The following ASB18 variants were observed in gnomAD, a reference collection of about 807,000 sequenced individuals.
ASB18 encodes ankyrin repeat and SOCS box containing 18.
Under a neutral mutation model 33.4 loss-of-function variants are expected in ASB18, and 33 were observed. The ratio of observed to expected loss-of-function variants is 0.99; its 90% CI spans 0.75 to 1.32. ASB18 has a LOEUF of 1.32. ASB18 is among the 40% of genes most tolerant of loss of function. ASB18 has a pLI of 0.00. For synonymous variants in ASB18, 295 were observed against 307.6 expected (o/e 0.96, Z 0.43); for missense variants, 694 against 655.5 (o/e 1.06, Z -0.64).
intron 1 of ASB18, among the ~76,000 whole-genome samples, chr2:236,261,506 G>A (rs746527802): frequency 1.3e-5 from 2 of 152,170 alleles, no homozygotes; most frequent in Non-Finnish European, 2.9e-5. Flanking sequence ...CTTTCTCTGT[G>A]ATAAAGTCAC....
At chr2:236,261,121 C>T (rs376943818) in intron 1 of ASB18, among the ~76,000 whole-genome samples, 2 of 152,096 alleles carry the variant, frequency 1.3e-5, no homozygotes, top group African/African-American at 4.8e-5. Context: ...CCCATTGAGC[C>T]CCCCAATTAT....
rs1246916931 is a variant in ASB18, at chr2:236,196,077, A to G, written c.1215+195T>C. The G allele has an allele frequency of 1.6e-6, 1 of 612,840 alleles. No individual in the cohort carries two copies. Among genetic ancestry groups the G allele is most frequent in the Non-Finnish European group, 3.0e-6 (1 of 330,874 alleles). The allele number at this position is 612,840 out of a possible 1,614,324, so 38.0% of individuals were successfully genotyped here. ...TTGAGGCCATGGCACCGCAACTACT[A>G]TAACAAGCTCCTGGCTGTGTGATTA... On this transcript the variant is annotated intron_variant, in intron 5 of 5. Transcript: ENST00000409749. The surrounding 1 kb of genome is among the most constrained non-coding windows in gnomAD (Gnocchi z 5.6).
At position 236,216,640 on chromosome 2, in the gene ASB18, G is replaced by A. The variant is rs944974450; in HGVS notation, c.597-1774C>T. On this transcript the variant is annotated intron_variant, in intron 3 of 5. Coordinates refer to ENST00000409749, the MANE Select transcript of ASB18 (RefSeq NM_212556.4). This position sits in a 1 kb window ranked among gnomAD's most constrained non-coding sequence, Gnocchi z 6.1. ...ACTCCCAGTGTCACTGTCCTTTGTT[G>A]AGGCCACATCGTTTCTCGGAATGCT... Among the ~76,000 whole-genome samples, 3 of 152,124 alleles carry A rather than the reference G, an allele frequency of 2.0e-5. No individual in the cohort carries two copies. Among genetic ancestry groups the A allele is most frequent in the Non-Finnish European group, 2.9e-5 (2 of 68,034 alleles).
intron 3 of ASB18, among the ~76,000 whole-genome samples, chr2:236,230,532 C>T (rs918424680): frequency 6.6e-6 from 1 of 151,662 alleles, no homozygotes; most frequent in Non-Finnish European, 1.5e-5. Context: ...CAATGTATTG[C>T]AGGACTTTTG....
At chr2:236,197,299 A>C (rs954304955) in intron 4 of ASB18, among the ~76,000 whole-genome samples, 2 of 152,250 alleles carry the variant, frequency 1.3e-5, no homozygotes, top group African/African-American at 4.8e-5. Context: ...CCATTATATT[A>C]ACAAAATAAT....
Position 236,196,175 on chromosome 2 carries a change from A to G in ASB18, c.1215+97T>C, listed in dbSNP as rs2060371508. 1 of 734,292 alleles carries G rather than the reference A, an allele frequency of 1.4e-6. No homozygotes were observed. The highest frequency in any genetic ancestry group is 2.5e-6 in the Non-Finnish European group (1 of 400,572). The allele number at this position is 734,292 out of a possible 1,614,324, so 45.5% of individuals were successfully genotyped here. A position where few individuals can be genotyped will look rare whatever the true frequency, so the allele number is the denominator to read the frequency against. The stretch of plus-strand genomic sequence containing the variant: ...CCATTCTTCCTTTTTCAGATGTATA[A>G]TACTTAGCCGAATATCAGTGCAAAA... On this transcript the variant is annotated intron_variant, in intron 5 of 5. Coordinates refer to ENST00000409749, the MANE Select transcript of ASB18 (RefSeq NM_212556.4). This position sits in a 1 kb window ranked among gnomAD's most constrained non-coding sequence, Gnocchi z 5.6.
intron 3 of ASB18, among the ~76,000 whole-genome samples, chr2:236,232,123 C>T (rs1472859583): frequency 6.6e-6 from 1 of 152,014 alleles, no homozygotes. Flanking sequence ...AAACAATTCT[C>T]AGTAAATTTA....
At chr2:236,254,961 A>G (rs925546303) in intron 1 of ASB18, among the ~76,000 whole-genome samples, 2 of 151,874 alleles carry the variant, frequency 1.3e-5, no homozygotes, top group African/African-American at 4.8e-5. Flanking sequence ...GGTTGTTTAA[A>G]AGTGTGTAGC....
intron 3 of ASB18, among the ~76,000 whole-genome samples, chr2:236,232,898 G>C (rs750108207): frequency 1.3e-5 from 2 of 152,036 alleles, no homozygotes; most frequent in Admixed American, 6.6e-5. Context: ...GGAAATAGAA[G>C]AGAAGGGCAT....
In ASB18 at chr2:236,196,493, C is replaced by T. The variant is rs2060374424; in HGVS notation, c.1102-108G>A. On this transcript the variant is annotated intron_variant, in intron 4 of 5. Transcript: ENST00000409749. The surrounding 1 kb of genome is among the most constrained non-coding windows in gnomAD (Gnocchi z 5.6). ...TGCTCTCCCTAGCTGTGTGACCTCC[C>T]TACGCCCAAGCCACACAGGGAACAG... The T allele has an allele frequency of 7.5e-5, 50 of 664,098 alleles. No individual in the cohort carries two copies. The South Asian group carries it at 8.4e-4, about 11-fold the overall frequency. 41.1% of individuals were successfully genotyped at this position (664,098 alleles called of 1,614,324 possible).
At chr2:236,240,945 C>G (rs1268708697) in intron 2 of ASB18, among the ~76,000 whole-genome samples, 1 of 152,182 alleles carries the variant, frequency 6.6e-6, no homozygotes, top group African/African-American at 2.4e-5. Flanking sequence ...GAAGGAGAGA[C>G]TTTCCTTCTT....
In ASB18 at chr2:236,221,129, G is replaced by C. The variant is rs1231899086; in HGVS notation, c.597-6263C>G. 6.6e-6 allele frequency among the ~76,000 whole-genome samples: 1 copy of C among 152,146 alleles called. No individual in the cohort carries two copies. The highest frequency in any genetic ancestry group is 1.5e-5 in the Non-Finnish European group (1 of 68,028). Reference sequence around the variant, plus strand: ...GCAGAGGATGGTGGCCTTGCAGTCAGTGTGTCCTGTTTGGGATATGAACTC... The same window carrying C: ...GCAGAGGATGGTGGCCTTGCAGTCACTGTGTCCTGTTTGGGATATGAACTC... On this transcript the variant is annotated intron_variant, in intron 3 of 5. Coordinates refer to ENST00000409749, the MANE Select transcript of ASB18 (RefSeq NM_212556.4). This position sits in a 1 kb window ranked among gnomAD's most constrained non-coding sequence, Gnocchi z 5.6.
At chr2:236,206,702 G>C (rs2060435891) in intron 4 of ASB18, among the ~76,000 whole-genome samples, 2 of 152,206 alleles carry the variant, frequency 1.3e-5, no homozygotes, top group Admixed American at 1.3e-4. Context: ...AACCACTCTA[G>C]GTATTTCAAC....
In ASB18 at chr2:236,194,926, C is replaced by G. The variant is rs770138448; in HGVS notation, c.1347G>C (p.Leu449Phe). 6.2e-7 allele frequency: 1 copy of G among 1,613,648 alleles called. No individual in the cohort carries two copies. Among genetic ancestry groups the G allele is most frequent in the African/African-American group, 1.3e-5 (1 of 74,920 alleles). The change falls in exon 6 of 6, where the codon TTG (leucine) becomes TTC (phenylalanine). Residue 449 changes from leucine to phenylalanine, a missense_variant. By Grantham distance (22) the Leu-to-Phe change is conservative. Coordinates refer to ENST00000409749, the MANE Select transcript of ASB18 (RefSeq NM_212556.4). The surrounding 1 kb of genome is among the most constrained non-coding windows in gnomAD (Gnocchi z 4.5). ...RCFDLIPLLP[L>F]PKPLQNYLLL... ...GTAGGTAATTCTGCAGGGGCTTTGG[C>G]AAGGGTAACAGGGGGATGAGGTCAA... is the stretch of plus-strand genomic sequence containing the variant.
In ASB18 at chr2:236,213,090, A is replaced by T. The variant is rs1285155244; in HGVS notation, c.1101+1272T>A. Among the ~76,000 whole-genome samples, 1 of 152,210 alleles carries T rather than the reference A, an allele frequency of 6.6e-6. No homozygotes were observed. Among genetic ancestry groups the T allele is most frequent in the African/African-American group, 2.4e-5 (1 of 41,448 alleles). ...GGGAAACATTAAAATGTAAATTATA[A>T]ATATAAAAGGTAGCTGTCACAGAAC... On this transcript the variant is annotated intron_variant, in intron 4 of 5. Transcript: ENST00000409749. This position sits in a 1 kb window ranked among gnomAD's most constrained non-coding sequence, Gnocchi z 4.8.
At chr2:236,232,102 CTT>C (rs2060568606) in intron 3 of ASB18, among the ~76,000 whole-genome samples, 1 of 152,040 alleles carries the variant, frequency 6.6e-6, no homozygotes, top group Admixed American at 6.5e-5. Flanking sequence ...TATAGCATAT[CTT>C]GGATCATAAA....
intron 1 of ASB18, among the ~76,000 whole-genome samples, chr2:236,243,711 A>G (rs1465873859): frequency 6.6e-6 from 1 of 152,018 alleles, no homozygotes; most frequent in Non-Finnish European, 1.5e-5. Flanking sequence ...GAATGATAAC[A>G]GTTCTTTATT....
chr2:236,217,424 A>AAAAT lies in ASB18; in HGVS notation c.597-2562_597-2559dup, dbSNP rs1553600514. The stretch of plus-strand genomic sequence containing the variant: ...CGAGACTCTGTCTCAAAAAAAAAAA[A>AAAAT]AAATAAATCTTGGCACCTTCAACTC... On this transcript the variant is annotated intron_variant, in intron 3 of 5. Coordinates refer to ENST00000409749, the MANE Select transcript of ASB18 (RefSeq NM_212556.4). This position sits in a 1 kb window ranked among gnomAD's most constrained non-coding sequence, Gnocchi z 5.2. 6.7e-6 allele frequency among the ~76,000 whole-genome samples: 1 copy of AAAAT among 150,306 alleles called. No individual in the cohort carries two copies.
In ASB18 at chr2:236,256,926, GA is replaced by G. The variant is rs1424290644; in HGVS notation, c.205+7214del. ...GGGTGTGTGTCTCGTAGAAAGCAAA[GA>G]AACATTTTAATTCTAGGTGGTGGGA... On this transcript the variant is annotated intron_variant, in intron 1 of 5. Transcript: ENST00000409749. The surrounding 1 kb of genome is among the most constrained non-coding windows in gnomAD (Gnocchi z 4.7). Among the ~76,000 whole-genome samples the G allele has an allele frequency of 2.6e-5, 4 of 152,092 alleles. No individual in the cohort carries two copies. The East Asian group carries it at 7.7e-4, about 29-fold the overall frequency.
Sources: gnomAD v4.1 joint callset for allele counts (sites outside exome capture counted in the v4.1 genomes callset) on GRCh38, gnomAD v4.1.1 for gene constraint, Gnocchi (gnomAD v3.1) non-coding constraint, MANE v1.5 for transcripts, NCBI Gene and HGNC (gene_info 2026-07-23, HGNC 2026-07-21) for gene names.